DCC: variants seen among roughly 807,000 people sequenced by gnomAD.
DCC encodes the protein netrin receptor DCC.
In DCC, 58 loss-of-function variants were observed where a neutral mutation model predicts 172.5. The observed-to-expected ratio is 0.34, with a 90% CI of 0.27 to 0.42. The LOEUF is 0.42. Among genes scored for constraint, DCC ranks in the 10% least tolerant of loss-of-function variants. DCC has a pLI of 1.00. For synonymous variants in DCC, 709 were observed against 644.5 expected, an observed-to-expected ratio of 1.10 and a Z score of -1.52; for missense variants, 1,740 against 1,791.0, an observed-to-expected ratio of 0.97 and a Z score of 0.51.
chr18:52,734,441 G>A (rs1287779466), intron 1 of DCC, among the ~76,000 whole-genome samples: 4 of 152,060 alleles, frequency 2.6e-5, no homozygotes, highest in African/African-American at 9.7e-5. Context: ...AAAATGATTG[G>A]CATGCTGATG....
At chr18:52,569,061 A>G (rs1480574387) in intron 1 of DCC, among the ~76,000 whole-genome samples, 1 of 152,238 alleles carries the variant, frequency 6.6e-6, no homozygotes, top group African/African-American at 2.4e-5. Context: ...TTTGAAGAAC[A>G]TGCTTTGAAT....
At chr18:52,985,805 A>G (rs1301755565) in intron 5 of DCC, among the ~76,000 whole-genome samples, 2 of 151,970 alleles carry the variant, frequency 1.3e-5, no homozygotes, top group African/African-American at 4.8e-5. Flanking sequence ...CAACTATTTA[A>G]GCTTTTCTAC....
chr18:53,091,861 A>ATCAATC (rs772452207), intron 7 of DCC, among the ~76,000 whole-genome samples: 4 of 63,358 alleles, frequency 6.3e-5, no homozygotes, highest in Admixed American at 1.7e-4. Context: ...CAATCTATCT[A>ATCAATC]TATATATATA....
intron 20 of DCC, among the ~76,000 whole-genome samples, chr18:53,411,524 A>T (rs73461183): frequency 6.6e-6 from 1 of 152,142 alleles, no homozygotes; most frequent in African/African-American, 2.4e-5. Flanking sequence ...AAAATTAGAA[A>T]CACACGTATG....
intron 12 of DCC, among the ~76,000 whole-genome samples, chr18:53,223,472 G>T (rs1011200415): frequency 6.6e-6 from 1 of 152,024 alleles, no homozygotes; most frequent in Admixed American, 6.6e-5. Context: ...GCCTTTCCAT[G>T]AAGTTTAATG....
At chr18:52,772,472 C>T (rs2037360878) in intron 2 of DCC, among the ~76,000 whole-genome samples, 3 of 152,146 alleles carry the variant, frequency 2.0e-5, no homozygotes, top group Admixed American at 6.5e-5. Context: ...ATTTATTCTG[C>T]TTTCAGTTCC....
At chr18:52,375,778 T>G (rs766851538) in intron 1 of DCC, among the ~76,000 whole-genome samples, 1 of 152,102 alleles carries the variant, frequency 6.6e-6, no homozygotes, top group African/African-American at 2.4e-5. Flanking sequence ...GCCAGTATAG[T>G]TGTGAGGCAG....
intron 1 of DCC, among the ~76,000 whole-genome samples, chr18:52,346,131 GTGTTAAACT>G (rs1983868658): frequency 6.6e-6 from 1 of 152,188 alleles, no homozygotes; most frequent in Non-Finnish European, 1.5e-5. Flanking sequence ...AGGAAAGCCA[GTGTTAAACT>G]TGTCAAGAAG....
chr18:53,527,234 G>T (rs886930600), intron 28 of DCC, among the ~76,000 whole-genome samples: 1 of 150,220 alleles, frequency 6.7e-6, no homozygotes, highest in African/African-American at 2.5e-5. Flanking sequence ...AAGAGACAGG[G>T]TCTTGCTGTG....
intron 7 of DCC, among the ~76,000 whole-genome samples, chr18:53,076,136 T>C (rs2042722297): frequency 6.6e-6 from 1 of 152,134 alleles, no homozygotes; most frequent in South Asian, 2.1e-4. Flanking sequence ...TATCCTGCCT[T>C]GCCTGCTGGT....
chr18:52,515,606 C>CAAAA (rs58112743), intron 1 of DCC, among the ~76,000 whole-genome samples: 395 of 10,328 alleles, frequency 0.038, 92 homozygotes, highest in East Asian at 0.27. Context: ...AACCCTGTCT[C>CAAAA]AAAAAAAAAA....
intron 1 of DCC, among the ~76,000 whole-genome samples, chr18:52,579,619 C>T (rs950789351): frequency 2.0e-5 from 3 of 152,126 alleles, no homozygotes; most frequent in African/African-American, 7.2e-5. Flanking sequence ...ATCTTATAAA[C>T]CAAGAAACCA....
intron 26 of DCC, among the ~76,000 whole-genome samples, chr18:53,495,821 A>T (rs1166458286): frequency 6.6e-6 from 1 of 150,948 alleles, no homozygotes; most frequent in East Asian, 2.0e-4. Flanking sequence ...ATTTCTTTTC[A>T]CTCTTTTTGC....
At chr18:53,261,149 C>A (rs577552434) in intron 12 of DCC, among the ~76,000 whole-genome samples, 48 of 152,200 alleles carry the variant, frequency 3.2e-4, no homozygotes, top group Non-Finnish European at 1.2e-4. Context: ...CCTTGCACTT[C>A]CCGGGTGAGG....
At chr18:52,635,845 G>T (rs1469652998) in intron 1 of DCC, among the ~76,000 whole-genome samples, 3 of 152,108 alleles carry the variant, frequency 2.0e-5, no homozygotes, top group Admixed American at 6.6e-5. Context: ...CACCGTGAAC[G>T]GGAGCCAGGA....
intron 2 of DCC, among the ~76,000 whole-genome samples, chr18:52,887,935 A>G (rs559617562): frequency 6.6e-6 from 1 of 152,226 alleles, no homozygotes; most frequent in Non-Finnish European, 1.5e-5. Context: ...TCATTTTGGC[A>G]GGGGGAAACT....
Position 53,428,471 on chromosome 18 carries a change from T to TATA in DCC, c.3164-6672_3164-6670dup, listed in dbSNP as rs1326730892. On this transcript the variant is annotated intron_variant, in intron 21 of 28. Transcript: ENST00000442544. ...ATATTATTTTATATATATTATATAATATATAATATATATTTTTTATATATT... is the reference window on the plus strand; with the variant it reads ...ATATTATTTTATATATATTATATAATATAATATAATATATATTTTTTATATATT... 6.0e-5 allele frequency among the ~76,000 whole-genome samples: 2 copies of TATA among 33,188 alleles called. 1 individual carries two copies. The highest frequency in any genetic ancestry group is 1.5e-4 in the Non-Finnish European group (2 of 13,386). The allele number at this position is 33,188 out of a possible 152,430, so 21.8% of individuals were successfully genotyped here.
chr18:53,361,332 G>T (rs1344046928), intron 15 of DCC, among the ~76,000 whole-genome samples: 5 of 152,080 alleles, frequency 3.3e-5, no homozygotes, highest in African/African-American at 1.2e-4. Flanking sequence ...ATACAAAACC[G>T]TAGTTGTTGG....
intron 12 of DCC, among the ~76,000 whole-genome samples, chr18:53,257,271 G>A (rs2144672332): frequency 6.6e-6 from 1 of 152,298 alleles, no homozygotes; most frequent in East Asian, 1.9e-4. Flanking sequence ...TGGTGAGAGA[G>A]GGCATCCGTG....
Sources: gnomAD v4.1 joint callset for allele counts (sites outside exome capture counted in the v4.1 genomes callset) on GRCh38, gnomAD v4.1.1 for gene constraint, MANE v1.5 for transcripts, NCBI Gene and HGNC (gene_info 2026-07-23, HGNC 2026-07-21) for gene names.